The following PRDX3 variants were observed in gnomAD, a reference collection of about 807,000 sequenced individuals.
PRDX3 encodes peroxiredoxin 3, also known as thioredoxin-dependent peroxide reductase, mitochondrial.
A neutral mutation model predicts 30.4 loss-of-function variants in PRDX3; 20 were observed. That is an observed-to-expected ratio of 0.66 (90% CI 0.46 to 0.96). The LOEUF is 0.96. Ranked by LOEUF, PRDX3 falls within the 40% of genes least tolerant of loss-of-function variation. PRDX3 has a pLI of 0.00. For missense variants in PRDX3, 322 were observed against 318.3 expected (o/e 1.01, Z -0.09); for synonymous variants, 124 against 117.8 (o/e 1.05, Z -0.34).
Position 119,169,219 on chromosome 10 carries a change from A to G in PRDX3, c.675T>C (p.His225=). 6.2e-7 allele frequency: 1 copy of G among 1,612,948 alleles called. No individual in the cohort carries two copies. The highest frequency in any genetic ancestry group is 8.5e-7 in the Non-Finnish European group (1 of 1,180,020). ...LVKAFQYVET[H]GEVCPANWTP... is the part of the protein sequence containing the mutation. ...TCCAGTTCGCTGGGCAGACTTCTCCATGTGTTTCTACATACTGGAACGCCT... is the reference window on the plus strand; with the variant it reads ...TCCAGTTCGCTGGGCAGACTTCTCCGTGTGTTTCTACATACTGGAACGCCT... Residue 225 remains histidine (H), a synonymous_variant, in exon 6 of 7, where the codon CAT becomes CAC. Coordinates refer to ENST00000298510, the MANE Select transcript of PRDX3 (RefSeq NM_006793.5).
At chr10:119,175,805 G>A (rs1848013730) in intron 2 of PRDX3, among the ~76,000 whole-genome samples, 2 of 147,310 alleles carry the variant, frequency 1.4e-5, no homozygotes, top group South Asian at 2.2e-4. Context: ...TTGAGACAGA[G>A]TTTCGCTCTG....
chr10:119,173,667 A>C, intron 4 of PRDX3, 70 bp downstream of exon 4: 1 of 1,527,644 alleles, frequency 6.5e-7, no homozygotes, highest in Non-Finnish European at 8.9e-7. Flanking sequence ...ATAGTCCAGC[A>C]GCATAGCTAG....
At chr10:119,173,270 GGCT>G (rs1424965032) in intron 4 of PRDX3, among the ~76,000 whole-genome samples, 1 of 152,026 alleles carries the variant, frequency 6.6e-6, no homozygotes, top group Non-Finnish European at 1.5e-5. Context: ...TTCTTTTAAA[GGCT>G]AATTTTCTCA....
At chr10:119,174,873 A>C in intron 2 of PRDX3, 1 of 304,524 alleles carries the variant, frequency 3.3e-6, no homozygotes, top group Non-Finnish European at 6.0e-6. Context: ...TCTCTAGATT[A>C]CTCATAATAC....
At chr10:119,169,055 C>T (rs922973250) in intron 6 of PRDX3, 122 bp downstream of exon 6, 5 of 1,040,230 alleles carry the variant, frequency 4.8e-6, no homozygotes, top group African/African-American at 3.2e-5. Context: ...GCAGCTTCAC[C>T]CATTTGCATA....
chr10:119,172,387 T>C lies in PRDX3; in HGVS notation c.546A>G (p.Ala182=). 1.9e-6 allele frequency: 3 copies of C among 1,608,006 alleles called. No individual in the cohort carries two copies. Among genetic ancestry groups the C allele is most frequent in the East Asian group, 4.5e-5 (2 of 44,860 alleles). Residue 182 remains alanine (A), a synonymous_variant, in exon 5 of 7, where the codon GCA becomes GCG. Coordinates refer to ENST00000298510, the MANE Select transcript of PRDX3 (RefSeq NM_006793.5). ...YGVLLEGSGL[A]LRGLFIIDPN... ...CATCAGAAACAGGATCTTACCTTAG[T>C]GCAAGACCAGAACCTTCTAACAGCA...
intron 2 of PRDX3, among the ~76,000 whole-genome samples, chr10:119,176,051 T>C (rs573249970): frequency 6.6e-6 from 1 of 152,222 alleles, no homozygotes; most frequent in African/African-American, 2.4e-5. Context: ...CTCAAAGTGC[T>C]GGGATTACAG....
chr10:119,171,956 G>T (rs1174342847), intron 5 of PRDX3, among the ~76,000 whole-genome samples: 4 of 152,064 alleles, frequency 2.6e-5, no homozygotes, highest in African/African-American at 9.7e-5. Context: ...CTCCCACATA[G>T]TTAGGGAGTA....
At chr10:119,177,388 G>A (rs1460959156) in intron 1 of PRDX3, among the ~76,000 whole-genome samples, 3 of 152,062 alleles carry the variant, frequency 2.0e-5, no homozygotes, top group Non-Finnish European at 2.9e-5. Context: ...GGCTGGGCGC[G>A]GTTGCTCACA....
At chr10:119,171,512 C>G (rs1310727767) in intron 5 of PRDX3, among the ~76,000 whole-genome samples, 1 of 152,154 alleles carries the variant, frequency 6.6e-6, no homozygotes, top group African/African-American at 2.4e-5. Context: ...CTCATCCCTC[C>G]CAGGAAGGTT....
chr10:119,168,077 A>C lies in PRDX3; in HGVS notation c.*403T>G. 5.8e-6 allele frequency: 1 copy of C among 171,534 alleles called. No individual in the cohort carries two copies. 10.6% of individuals were successfully genotyped at this position (171,534 alleles called of 1,614,324 possible). Reference sequence around the variant, plus strand: ...AGCTTAAAAGAAAATTCAGTTTAATACAAAGACATTCAAGATGAAAATTTC... The same window carrying C: ...AGCTTAAAAGAAAATTCAGTTTAATCCAAAGACATTCAAGATGAAAATTTC... On this transcript the variant is annotated 3_prime_UTR_variant, in exon 7 of 7. Transcript: ENST00000298510.
Position 119,168,308 on chromosome 10 carries a change from G to A in PRDX3, c.*172C>T, listed in dbSNP as rs1176684627. The A allele has an allele frequency of 1.0e-5, 14 of 1,348,150 alleles. No individual in the cohort carries two copies. Among genetic ancestry groups the A allele is most frequent in the Non-Finnish European group, 1.4e-5 (14 of 1,020,074 alleles). 83.5% of individuals were successfully genotyped at this position (1,348,150 alleles called of 1,614,324 possible). On this transcript the variant is annotated 3_prime_UTR_variant, in exon 7 of 7. Transcript: ENST00000298510. ...ATTCCTTGTACTAGCAACTAACCAT[G>A]TTTAAAAGGTCTTAGCCAGAATTAC...
chr10:119,170,008 T>C (rs929357146), intron 5 of PRDX3: 3 of 152,294 alleles, frequency 2.0e-5, no homozygotes. Flanking sequence ...GGTTTAAATA[T>C]AGGGTCTCAC....
intron 3 of PRDX3, 53 bp from the exon 4 acceptor site, chr10:119,173,925 A>T (rs763878328): frequency 2.6e-6 from 4 of 1,562,648 alleles, no homozygotes; most frequent in Non-Finnish European, 3.5e-6. Flanking sequence ...CAAGGATTTT[A>T]ACAATTAGTG....
In PRDX3 at chr10:119,173,794, G is replaced by A. The variant is rs541611590; in HGVS notation, c.390C>T (p.Val130=). Reference sequence around the variant, plus strand: ...TAAAGTGGGAATCCACTGAGACTGCGACAACTTCACAGTTCACGTCGTGAA... The same window carrying A: ...TAAAGTGGGAATCCACTGAGACTGCAACAACTTCACAGTTCACGTCGTGAA... ...NEFHDVNCEV[V]AVSVDSHFSH... is the part of the protein sequence containing the mutation. Residue 130 remains valine, a synonymous_variant, in exon 4 of 7, where the codon GTC becomes GTT. Transcript: ENST00000298510. The A allele has an allele frequency of 4.8e-5, 77 of 1,612,662 alleles. No homozygotes were observed. The highest frequency in any genetic ancestry group is 4.6e-4 in the South Asian group (42 of 90,974).
chr10:119,170,129 G>A (rs921895325), intron 5 of PRDX3: 2 of 152,220 alleles, frequency 1.3e-5, no homozygotes, highest in African/African-American at 4.8e-5. Context: ...CAAGTAGCGT[G>A]ACTATAGGTG....
chr10:119,172,448 G>C lies in PRDX3; in HGVS notation c.485C>G (p.Ser162Ter). The C allele has an allele frequency of 1.2e-6, 2 of 1,614,170 alleles. No individual in the cohort carries two copies. Among genetic ancestry groups the C allele is most frequent in the Non-Finnish European group, 1.7e-6 (2 of 1,179,996 alleles). The change falls in exon 5 of 7, where the codon TCA becomes TGA. Residue 162 changes from serine (S) to a stop codon, truncating the protein, a stop_gained. Transcript: ENST00000298510. LOFTEE classifies it high-confidence loss of function. ...GLGHMNIALL[S>*]DLTKQISRDY... ...TCGGGAAATCTGCTTAGTTAAGTCTGACAAGAGTGCGATGTTCATGTGGCC... is the reference window on the plus strand; with the variant it reads ...TCGGGAAATCTGCTTAGTTAAGTCTCACAAGAGTGCGATGTTCATGTGGCC...
intron 2 of PRDX3, 175 bp from the exon 3 acceptor site, chr10:119,174,767 G>A: frequency 1.8e-6 from 1 of 563,982 alleles, no homozygotes; most frequent in South Asian, 3.7e-5. Context: ...TGGGGGGATT[G>A]GTTCTAGGAT....
intron 4 of PRDX3, 22 bp downstream of exon 4, chr10:119,173,715 A>C: frequency 6.2e-7 from 1 of 1,607,896 alleles, no homozygotes; most frequent in Non-Finnish European, 8.5e-7. Flanking sequence ...TAAGAGCAAA[A>C]GCTAGGGGTA....
Sources: allele counts gnomAD v4.1 joint callset (sites outside exome capture counted in the v4.1 genomes callset), GRCh38; gene constraint gnomAD v4.1.1; transcripts MANE v1.5; gene names NCBI Gene and HGNC (gene_info 2026-07-23, HGNC 2026-07-21).